Variants in ENTPD4 observed in about 807,000 individuals in gnomAD.
The protein encoded by ENTPD4 is Golgi UDPase.
ENTPD4 carries 60 observed loss-of-function variants against 79.1 expected under a neutral mutation model. The ratio of observed to expected loss-of-function variants is 0.76; its 90% CI spans 0.62 to 0.94. The LOEUF (loss-of-function observed/expected upper bound fraction) is 0.94, where lower values mean the gene tolerates loss of function less well. ENTPD4 is among the 40% of genes least tolerant of loss of function. ENTPD4 has a pLI of 0.00. For missense variants in ENTPD4, 772 were observed against 775.1 expected (o/e 1.00, Z 0.05); for synonymous variants, 276 against 292.0 (o/e 0.95, Z 0.56).
chr8:23,431,576 G>A lies in ENTPD4; in HGVS notation c.*1350C>T. The A allele has an allele frequency of 3.0e-6, 3 of 985,366 alleles. No individual in the cohort carries two copies. The highest frequency in any genetic ancestry group is 3.6e-6 in the Non-Finnish European group (3 of 829,930). The allele number at this position is 985,366 out of a possible 1,614,324, so 61.0% of individuals were successfully genotyped here. A position where few individuals can be genotyped will look rare whatever the true frequency, so the allele number is the denominator to read the frequency against. On this transcript the variant is annotated 3_prime_UTR_variant, in exon 13 of 13. Transcript: ENST00000358689. ...ATTGGATGCAGACTCTTCCCTTCTGGATTTACAGTGGTGCTGCCAGCAACA... is the reference window on the plus strand; with the variant it reads ...ATTGGATGCAGACTCTTCCCTTCTGAATTTACAGTGGTGCTGCCAGCAACA...
intron 5 of ENTPD4, 43 bp downstream of exon 5, chr8:23,444,413 T>C (rs756584342): frequency 1.3e-6 from 2 of 1,589,100 alleles, no homozygotes; most frequent in Non-Finnish European, 1.7e-6. Context: ...CCCTCTCCCC[T>C]CCAGGAACCC....
rs1800666515 is a variant in ENTPD4, at chr8:23,441,400, T to G, written c.882+169A>C. On this transcript the variant is annotated intron_variant, in intron 8 of 12. Transcript: ENST00000358689. ...ATTTCAATGAACACACACAAGCGGC[T>G]CAGCTGAGGTCTGCCTTGTTCGTCC... 1.4e-5 allele frequency: 14 copies of G among 985,158 alleles called. No homozygotes were observed. The Admixed American group carries it at 1.8e-4, about 13-fold the overall frequency. 61.0% of individuals were successfully genotyped at this position (985,158 alleles called of 1,614,324 possible). A position where few individuals can be genotyped will look rare whatever the true frequency, so the allele number is the denominator to read the frequency against.
At chr8:23,450,203 G>A (rs563977413) in intron 1 of ENTPD4, among the ~76,000 whole-genome samples, 7 of 152,292 alleles carry the variant, frequency 4.6e-5, no homozygotes, top group Admixed American at 1.3e-4. Flanking sequence ...GATGATAATC[G>A]TCTGGTACTA....
intron 6 of ENTPD4, among the ~76,000 whole-genome samples, chr8:23,443,297 T>C (rs1169099902): frequency 6.6e-6 from 1 of 152,202 alleles, no homozygotes; most frequent in Non-Finnish European, 1.5e-5. Flanking sequence ...TGAATAGCAA[T>C]GTGTAAATTT....
intron 8 of ENTPD4, among the ~76,000 whole-genome samples, chr8:23,440,462 G>A (rs899037139): frequency 4.6e-5 from 7 of 152,034 alleles, no homozygotes; most frequent in African/African-American, 1.2e-4. Flanking sequence ...GCTTTTTTAG[G>A]TGATGAATCC....
At position 23,432,286 on chromosome 8, in the gene ENTPD4, A is replaced by G; in HGVS notation, c.*640T>C. ...AGCATCACTATTCAGTCCCCTCTCC[A>G]CTGACAGAATGCATCTTTCCACCTC... is the stretch of plus-strand genomic sequence containing the variant. On this transcript the variant is annotated 3_prime_UTR_variant, in exon 13 of 13. Transcript: ENST00000358689. 2 of 985,292 alleles carry G rather than the reference A, an allele frequency of 2.0e-6. No homozygotes were observed. The highest frequency in any genetic ancestry group is 1.2e-6 in the Non-Finnish European group (1 of 829,904). 61.0% of individuals were successfully genotyped at this position (985,292 alleles called of 1,614,324 possible).
chr8:23,442,193 T>G, intron 6 of ENTPD4, 127 bp from the exon 7 acceptor site: 1 of 632,088 alleles, frequency 1.6e-6, no homozygotes, highest in South Asian at 2.0e-5. Context: ...TCATCTGAAA[T>G]AACACCTTGC....
chr8:23,430,912 A>G lies in ENTPD4; in HGVS notation c.*2014T>C, dbSNP rs1297160662. ...AAGACCAACTTATTAGGTAGCCAGA[A>G]GCTCACCCCTTTCTTAACAACTTTG... On this transcript the variant is annotated 3_prime_UTR_variant, in exon 13 of 13. Transcript: ENST00000358689. 4.1e-6 allele frequency: 4 copies of G among 985,364 alleles called. No individual in the cohort carries two copies. In the Middle Eastern group the frequency reaches 1.5e-3, roughly 382 times the overall value. 61.0% of individuals were successfully genotyped at this position (985,364 alleles called of 1,614,324 possible).
intron 9 of ENTPD4, 49 bp from the exon 10 acceptor site, chr8:23,437,307 T>C: frequency 7.0e-7 from 1 of 1,422,326 alleles, no homozygotes; most frequent in Non-Finnish European, 9.6e-7. Context: ...AAAACTGTGT[T>C]TTCAGGAAGT....
chr8:23,443,546 C>T (rs568721933), intron 6 of ENTPD4, among the ~76,000 whole-genome samples: 11 of 152,244 alleles, frequency 7.2e-5, no homozygotes, highest in Admixed American at 2.0e-4. Context: ...TAATGATCAA[C>T]GTCCCAGGAA....
chr8:23,449,993 C>A lies in ENTPD4; in HGVS notation c.-93G>T. 3 of 1,507,244 alleles carry A rather than the reference C, an allele frequency of 2.0e-6. No individual in the cohort carries two copies. Among genetic ancestry groups the A allele is most frequent in the Admixed American group, 3.4e-5 (2 of 59,438 alleles). The allele number at this position is 1,507,244 out of a possible 1,614,324, so 93.4% of individuals were successfully genotyped here. On this transcript the variant is annotated 5_prime_UTR_variant, in exon 2 of 13. Coordinates refer to ENST00000358689, the MANE Select transcript of ENTPD4 (RefSeq NM_004901.5). ...TGCTGGGGTCCTCACGGAGTTAGAG[C>A]CCTCCTGTTCCAGGAAGTGAGACAA...
At chr8:23,436,745 A>G (rs1800568696) in intron 10 of ENTPD4, among the ~76,000 whole-genome samples, 189 bp downstream of exon 10, 1 of 152,196 alleles carries the variant, frequency 6.6e-6, no homozygotes, top group African/African-American at 2.4e-5. Flanking sequence ...GTCAGCGTAC[A>G]GTACATTTTT....
chr8:23,437,284 G>GT (rs1563223038), intron 9 of ENTPD4, 26 bp from the exon 10 acceptor site: 1 of 1,528,112 alleles, frequency 6.5e-7, no homozygotes, highest in Admixed American at 2.1e-5. Flanking sequence ...AAACTTCATC[G>GT]TGAGTCCTAC....
intron 9 of ENTPD4, 119 bp from the exon 10 acceptor site, chr8:23,437,377 GTC>G (rs1800586363): frequency 1.4e-6 from 1 of 701,156 alleles, no homozygotes; most frequent in Non-Finnish European, 2.4e-6. Flanking sequence ...GCAGGACCGT[GTC>G]TGTGGAACAG....
At chr8:23,444,702 A>G in intron 4 of ENTPD4, 96 bp from the exon 5 acceptor site, 1 of 1,040,908 alleles carries the variant, frequency 9.6e-7, no homozygotes. Flanking sequence ...ATCATGCTAC[A>G]CATTACACTT....
rs1456182119 is a variant in ENTPD4 at position 23,432,777 on chromosome 8, C to T, written c.*149G>A. 16 of 1,429,752 alleles carry T rather than the reference C, an allele frequency of 1.1e-5. No homozygotes were observed. Among genetic ancestry groups the T allele is most frequent in the South Asian group, 6.0e-5 (4 of 66,124 alleles). The allele number at this position is 1,429,752 out of a possible 1,614,324, so 88.6% of individuals were successfully genotyped here. A position where few individuals can be genotyped will look rare whatever the true frequency, so the allele number is the denominator to read the frequency against. On this transcript the variant is annotated 3_prime_UTR_variant, in exon 13 of 13. Transcript: ENST00000358689. ...CCTCCCAAAGTGCTGGGATTACAGG[C>T]GTGAGCCACCGCGCTCGGCCTGCAT... is the stretch of plus-strand genomic sequence containing the variant.
At chr8:23,442,211 GTTT>G in intron 6 of ENTPD4, 145 bp from the exon 7 acceptor site, 1 of 591,024 alleles carries the variant, frequency 1.7e-6, no homozygotes, top group South Asian at 2.3e-5. Context: ...TGCTACTGAT[GTTT>G]TTATTACTCC....
rs2117268403 is a variant in ENTPD4 at position 23,430,645 on chromosome 8, A to G, written c.*2281T>C. The G allele has an allele frequency of 1.0e-6, 1 of 985,442 alleles. No homozygotes were observed. Among genetic ancestry groups the G allele is most frequent in the Non-Finnish European group, 1.2e-6 (1 of 829,946 alleles). 61.0% of individuals were successfully genotyped at this position (985,442 alleles called of 1,614,324 possible). On this transcript the variant is annotated 3_prime_UTR_variant, in exon 13 of 13. Transcript: ENST00000358689. Reference sequence around the variant, plus strand: ...CCACTACTACCTCTCAGCTGGAGCAATGAGGTTTTCTCAGCCCTTGTTTCA... The same window carrying G: ...CCACTACTACCTCTCAGCTGGAGCAGTGAGGTTTTCTCAGCCCTTGTTTCA...
chr8:23,431,214 T>C lies in ENTPD4; in HGVS notation c.*1712A>G, dbSNP rs1800448953. 1 of 504,704 alleles carries C rather than the reference T, an allele frequency of 2.0e-6. No individual in the cohort carries two copies. The highest frequency in any genetic ancestry group is 2.6e-6 in the Non-Finnish European group (1 of 391,406). The allele number at this position is 504,704 out of a possible 1,614,324, so 31.3% of individuals were successfully genotyped here. The stretch of plus-strand genomic sequence containing the variant: ...ATGGCAATACAGGCCTTTTCTCTCC[T>C]GTTTCTCCAAACTCTCCCAGCCTCT... On this transcript the variant is annotated 3_prime_UTR_variant, in exon 13 of 13. Transcript: ENST00000358689.
Sources: gnomAD v4.1 joint callset for allele counts (sites outside exome capture counted in the v4.1 genomes callset) on GRCh38, gnomAD v4.1.1 for gene constraint, MANE v1.5 for transcripts, NCBI Gene and HGNC (gene_info 2026-07-23, HGNC 2026-07-21) for gene names.